The following ZNF33A variants were observed in gnomAD, a reference collection of about 807,000 sequenced individuals.
The protein encoded by ZNF33A is brain my041 protein.
ZNF33A carries 9 observed loss-of-function variants against 15.9 expected under a neutral mutation model. That is an observed-to-expected ratio of 0.57 (90% CI 0.34 to 0.99). The LOEUF is 0.99. Ranked by LOEUF, ZNF33A falls within the 50% of genes least tolerant of loss-of-function variation. The pLI is 0.02. For missense variants in ZNF33A, 843 were observed against 941.6 expected (o/e 0.90, Z 1.37); for synonymous variants, 294 against 324.2 (o/e 0.91, Z 1.00).
downstream of ZNF33A, chr10:38,063,952 C>A: frequency 4.2e-6 from 3 of 710,422 alleles, no homozygotes; most frequent in Non-Finnish European, 6.8e-6. Flanking sequence ...TATCCACTGC[C>A]TGGTGTCTGT....
intron 4 of ZNF33A, among the ~76,000 whole-genome samples, chr10:38,028,710 C>T (rs1199475380): frequency 6.6e-6 from 1 of 152,146 alleles, no homozygotes; most frequent in Admixed American, 6.6e-5. Flanking sequence ...TCAAGTGATC[C>T]ACCCATCTCG....
chr10:38,044,075 T>C (rs1281579866), intron 4 of ZNF33A: 1 of 152,152 alleles, frequency 6.6e-6, no homozygotes. Context: ...ATGGTGTTCC[T>C]CATTTTTTTG....
chr10:38,013,114 A>T (rs1459026935), intron 2 of ZNF33A, among the ~76,000 whole-genome samples: 6 of 151,946 alleles, frequency 3.9e-5, no homozygotes, highest in Non-Finnish European at 5.9e-5. Context: ...TTTAATTTTA[A>T]TTTTTTTATT....
chr10:38,065,349 C>A (rs2066700249), downstream of ZNF33A, among the ~76,000 whole-genome samples: 4 of 152,124 alleles, frequency 2.6e-5, no homozygotes, highest in Admixed American at 2.6e-4. Flanking sequence ...AGATTACAGG[C>A]ATGAGCCACC....
intron 2 of ZNF33A, among the ~76,000 whole-genome samples, chr10:38,014,948 A>AC (rs140532189): frequency 0.06 from 9,120 of 151,536 alleles, 350 homozygotes; most frequent in Middle Eastern, 0.095. Context: ...ATCTCAGCTT[A>AC]TGCAACCTCC....
At chr10:38,041,841 TTTG>T (rs968788245) in intron 4 of ZNF33A, among the ~76,000 whole-genome samples, 27 of 152,200 alleles carry the variant, frequency 1.8e-4, no homozygotes, top group East Asian at 1.7e-3. Context: ...TTGATGGCTT[TTTG>T]TTGTTGTTGT....
Position 38,056,954 on chromosome 10 carries a change from C to G in ZNF33A, c.*394C>G. The stretch of plus-strand genomic sequence containing the variant: ...AAAGGTAATAATTAAAATAACCTCA[C>G]AAGAAGTTTAATGAGTAGAGAGAAT... On this transcript the variant is annotated 3_prime_UTR_variant, in exon 5 of 5. Coordinates refer to ENST00000432900, the MANE Select transcript of ZNF33A (RefSeq NM_006954.2). 2.2e-6 allele frequency: 2 copies of G among 912,382 alleles called. No homozygotes were observed. The highest frequency in any genetic ancestry group is 9.9e-5 in the South Asian group (2 of 20,258). The allele number at this position is 912,382 out of a possible 1,614,324, so 56.5% of individuals were successfully genotyped here.
intron 4 of ZNF33A, among the ~76,000 whole-genome samples, chr10:38,049,533 T>G (rs1590675091): frequency 6.6e-6 from 1 of 152,156 alleles, no homozygotes; most frequent in Non-Finnish European, 1.5e-5. Context: ...ATATAATGTA[T>G]TATGTGTAAT....
rs144276474 is a variant in ZNF33A at position 38,056,597 on chromosome 10, T to C, written c.*37T>C. The stretch of plus-strand genomic sequence containing the variant: ...CTCACCTTATGTTACTCCAAAGTAA[T>C]AGTAGGGGATAAACCCATAGACTAC... On this transcript the variant is annotated 3_prime_UTR_variant, in exon 5 of 5. Coordinates refer to ENST00000432900, the MANE Select transcript of ZNF33A (RefSeq NM_006954.2). 6.3e-4 allele frequency: 968 copies of C among 1,526,710 alleles called. 12 individuals are homozygous for C. The East Asian group carries it at 0.018, about 28-fold the overall frequency. 94.6% of individuals were successfully genotyped at this position (1,526,710 alleles called of 1,614,324 possible). A position where few individuals can be genotyped will look rare whatever the true frequency, so the allele number is the denominator to read the frequency against.
intron 4 of ZNF33A, among the ~76,000 whole-genome samples, chr10:38,021,428 G>A (rs202040039): frequency 0.018 from 99 of 5,460 alleles, no homozygotes; most frequent in East Asian, 0.043. Flanking sequence ...TAGCCATGAG[G>A]TCAGGAATTC....
At chr10:38,065,756 G>C (rs148329279), downstream of ZNF33A, among the ~76,000 whole-genome samples, 1 of 151,386 alleles carries the variant, frequency 6.6e-6, no homozygotes, top group East Asian at 1.9e-4. Context: ...TTATGCCCAG[G>C]CTGGAGTGCA....
chr10:38,037,291 G>C (rs1038443281), intron 4 of ZNF33A, among the ~76,000 whole-genome samples: 2 of 151,538 alleles, frequency 1.3e-5, no homozygotes, highest in Admixed American at 6.6e-5. Context: ...CAAATATTCA[G>C]TTGTCTCAGC....
intron 4 of ZNF33A, among the ~76,000 whole-genome samples, chr10:38,018,080 T>TGA (rs2064550075): frequency 2.0e-5 from 3 of 152,114 alleles, no homozygotes; most frequent in Non-Finnish European, 4.4e-5. Flanking sequence ...AGCAACAGAG[T>TGA]GAGACTTTGT....
Position 38,057,452 on chromosome 10 carries a change from G to A in ZNF33A, c.*892G>A, listed in dbSNP as rs755358305. 24 of 985,244 alleles carry A rather than the reference G, an allele frequency of 2.4e-5. No homozygotes were observed. Among genetic ancestry groups the A allele is most frequent in the Non-Finnish European group, 2.8e-5 (23 of 829,926 alleles). The allele number at this position is 985,244 out of a possible 1,614,324, so 61.0% of individuals were successfully genotyped here. A position where few individuals can be genotyped will look rare whatever the true frequency, so the allele number is the denominator to read the frequency against. On this transcript the variant is annotated 3_prime_UTR_variant, in exon 5 of 5. Transcript: ENST00000432900. ...GTATAAGTGGTATGTGATATAAATC[G>A]TGTGTTTCATATGCATAATGGAATT...
At chr10:38,066,738 C>T (rs970386796), downstream of ZNF33A, among the ~76,000 whole-genome samples, 1 of 151,974 alleles carries the variant, frequency 6.6e-6, no homozygotes, top group African/African-American at 2.4e-5. Context: ...AGTTTGAGAC[C>T]AGCCTGGCTA....
intron 2 of ZNF33A, 69 bp downstream of exon 2, chr10:38,012,419 G>T: frequency 4.9e-6 from 5 of 1,026,164 alleles, no homozygotes; most frequent in Non-Finnish European, 7.2e-6. Flanking sequence ...AGTCGATATG[G>T]TGTTTGTTTT....
chr10:38,014,539 T>C (rs2064356260), intron 2 of ZNF33A, among the ~76,000 whole-genome samples: 1 of 152,244 alleles, frequency 6.6e-6, no homozygotes, highest in Non-Finnish European at 1.5e-5. Flanking sequence ...TCTACTTCTG[T>C]ATGAGGTAGA....
intron 4 of ZNF33A, among the ~76,000 whole-genome samples, chr10:38,050,930 C>G (rs912712094): frequency 7.3e-5 from 11 of 151,306 alleles, no homozygotes; most frequent in African/African-American, 2.7e-4. Flanking sequence ...ATTCTCTGGT[C>G]TTAAGAACTG....
downstream of ZNF33A, among the ~76,000 whole-genome samples, chr10:38,061,006 A>T (rs1283152569): frequency 6.6e-6 from 1 of 152,140 alleles, no homozygotes; most frequent in East Asian, 1.9e-4. Flanking sequence ...GGTAGTGACC[A>T]CACTGTACAG....
Sources: allele counts gnomAD v4.1 joint callset (sites outside exome capture counted in the v4.1 genomes callset), GRCh38; gene constraint gnomAD v4.1.1; transcripts MANE v1.5; gene names NCBI Gene and HGNC (gene_info 2026-07-23, HGNC 2026-07-21).